The following NECTIN1 variants were observed in gnomAD, a reference collection of about 807,000 sequenced individuals.
The protein encoded by NECTIN1 is nectin-1.
Under a neutral mutation model 48.0 loss-of-function variants are expected in NECTIN1, and 23 were observed. The observed-to-expected ratio is 0.48, with a 90% confidence interval of 0.34 to 0.68. NECTIN1 has a LOEUF of 0.68. Among genes scored for constraint, NECTIN1 ranks in the 30% least tolerant of loss-of-function variants. The pLI is 0.01. For missense variants in NECTIN1, 591 were observed against 709.9 expected (o/e 0.83, Z 1.90); for synonymous variants, 270 against 288.9 (o/e 0.93, Z 0.66).
intron 5 of NECTIN1, among the ~76,000 whole-genome samples, chr11:119,648,808 G>T (rs943995916): frequency 1.3e-5 from 2 of 151,998 alleles, no homozygotes; most frequent in African/African-American, 4.8e-5. Flanking sequence ...CACCCAGGAG[G>T]CTTCCATTTT....
In NECTIN1 at chr11:119,691,143, C is replaced by T. The variant is rs376905663; in HGVS notation, c.80-12378G>A. On this transcript the variant is annotated intron_variant, in intron 1 of 5. Coordinates refer to ENST00000264025, the MANE Select transcript of NECTIN1 (RefSeq NM_002855.5). ...TCACAGAAACCCCAAGAGTAGCCCC[C>T]GCCCAGGTCTCAACATCAGTGCCAA... 1.6e-4 allele frequency among the ~76,000 whole-genome samples: 25 copies of T among 152,330 alleles called. No homozygotes were observed. The South Asian group carries it at 2.7e-3, about 16-fold the overall frequency.
downstream of NECTIN1, chr11:119,659,069 C>T (rs908244614): frequency 1.3e-5 from 2 of 152,208 alleles, no homozygotes; most frequent in East Asian, 1.9e-4. Context: ...GGTGAAATGT[C>T]GCTTCAGATC....
intron 1 of NECTIN1, among the ~76,000 whole-genome samples, chr11:119,728,241 A>T (rs1865947851): frequency 6.6e-6 from 1 of 152,250 alleles, no homozygotes; most frequent in African/African-American, 2.4e-5. Flanking sequence ...CTGAGCGGAG[A>T]AAGTGCTTTC....
intron 1 of NECTIN1, among the ~76,000 whole-genome samples, chr11:119,698,337 G>A (rs922896519): frequency 6.6e-6 from 1 of 152,242 alleles, no homozygotes; most frequent in East Asian, 1.9e-4. Flanking sequence ...CCACCCAGGT[G>A]ATTAAATTGT....
Position 119,673,340 on chromosome 11 carries a change from G to A in NECTIN1, c.1003+1819C>T, listed in dbSNP as rs542602380. On this transcript the variant is annotated intron_variant, in intron 5 of 5. Transcript: ENST00000264025. The surrounding 1 kb of genome is among the most constrained non-coding windows in gnomAD (Gnocchi z 5.8). Reference sequence around the variant, plus strand: ...ATCAATGATTCAGTGAGTGCCATGCGTCCCTGGCTCCTGCCTAACGGGGCT... The same window carrying A: ...ATCAATGATTCAGTGAGTGCCATGCATCCCTGGCTCCTGCCTAACGGGGCT... Among the ~76,000 whole-genome samples, 2 of 152,268 alleles carry A rather than the reference G, an allele frequency of 1.3e-5. No individual in the cohort carries two copies. The highest frequency in any genetic ancestry group is 2.1e-4 in the South Asian group (1 of 4,828).
intron 1 of NECTIN1, among the ~76,000 whole-genome samples, chr11:119,687,778 A>G (rs754485094): frequency 1.3e-5 from 2 of 152,186 alleles, no homozygotes; most frequent in Non-Finnish European, 2.9e-5. Context: ...CCTGTTTGGA[A>G]GCAGAGGGTT....
chr11:119,723,562 C>A (rs1865865972), intron 1 of NECTIN1, among the ~76,000 whole-genome samples: 1 of 152,190 alleles, frequency 6.6e-6, no homozygotes, highest in African/African-American at 2.4e-5. Context: ...TAATCTATTG[C>A]CCTGAAGATT....
intron 7 of NECTIN1, chr11:119,638,338 C>T: frequency 6.8e-7 from 1 of 1,480,636 alleles, no homozygotes; most frequent in African/African-American, 1.4e-5. Flanking sequence ...TGGGACTCCT[C>T]AGTTCCCATG....
chr11:119,670,168 C>T (rs1040790725), intron 5 of NECTIN1, among the ~76,000 whole-genome samples: 2 of 152,134 alleles, frequency 1.3e-5, no homozygotes, highest in African/African-American at 4.8e-5. Flanking sequence ...CCATGTTGGC[C>T]AGGCTGATCT....
In NECTIN1 at chr11:119,661,331, G is replaced by A; in HGVS notation, c.*3416C>T. ...CCGAGTGGGACAGGGGCTCCTCCTG[G>A]CCTCACAAGCTGGGCAGTGTTGGCA... On this transcript the variant is annotated 3_prime_UTR_variant, in exon 6 of 6. Coordinates refer to ENST00000264025, the MANE Select transcript of NECTIN1 (RefSeq NM_002855.5). 1.0e-6 allele frequency: 1 copy of A among 986,218 alleles called. No individual in the cohort carries two copies. The highest frequency in any genetic ancestry group is 1.2e-6 in the Non-Finnish European group (1 of 830,234). The allele number at this position is 986,218 out of a possible 1,614,324, so 61.1% of individuals were successfully genotyped here. A position where few individuals can be genotyped will look rare whatever the true frequency, so the allele number is the denominator to read the frequency against.
In NECTIN1 at chr11:119,663,116, A is replaced by G; in HGVS notation, c.*1631T>C. On this transcript the variant is annotated 3_prime_UTR_variant, in exon 6 of 6. Transcript: ENST00000264025. ...GAGTGGTCTGCCTCCCTCCTCCCCA[A>G]CACTTGCCATCCTGCAGAGCCCCTG... The G allele has an allele frequency of 1.0e-6, 1 of 985,476 alleles. No homozygotes were observed. The highest frequency in any genetic ancestry group is 1.2e-6 in the Non-Finnish European group (1 of 829,972). 61.0% of individuals were successfully genotyped at this position (985,476 alleles called of 1,614,324 possible).
chr11:119,646,789 CCTT>C (rs1864401221), intron 5 of NECTIN1, among the ~76,000 whole-genome samples: 1 of 152,234 alleles, frequency 6.6e-6, no homozygotes, highest in Admixed American at 6.5e-5. Flanking sequence ...GAGCTGGCCA[CCTT>C]CTTAGCTGTC....
At chr11:119,714,438 C>A (rs1178524720) in intron 1 of NECTIN1, among the ~76,000 whole-genome samples, 1 of 152,118 alleles carries the variant, frequency 6.6e-6, no homozygotes, top group East Asian at 1.9e-4. Context: ...CTGTGATGTA[C>A]CTCCTTCCAC....
intron 7 of NECTIN1, chr11:119,638,277 G>C: frequency 6.2e-7 from 1 of 1,613,212 alleles, no homozygotes; most frequent in Non-Finnish European, 8.5e-7. Context: ...GTGCTGCACA[G>C]ACCTTTCCAT....
Position 119,677,752 on chromosome 11 carries a change from G to A in NECTIN1, c.536C>T (p.Pro179Leu). 1.9e-6 allele frequency: 3 copies of A among 1,614,138 alleles called. No individual in the cohort carries two copies. Among genetic ancestry groups the A allele is most frequent in the Non-Finnish European group, 2.5e-6 (3 of 1,180,006 alleles). ...VATCTSANGK[P>L]PSVVSWETRL... ...AGTTTCCCAGGATACCACACTGGGA[G>A]GCTTCCCATTGGCTGAGGTGCAGGT... The change falls in exon 3 of 6, where the codon CCT (proline) becomes CTT (leucine). Residue 179 changes from proline (P) to leucine (L), a missense_variant. Coordinates refer to ENST00000264025, the MANE Select transcript of NECTIN1 (RefSeq NM_002855.5). The surrounding 1 kb of genome is among the most constrained non-coding windows in gnomAD (Gnocchi z 5.4).
intron 1 of NECTIN1, among the ~76,000 whole-genome samples, chr11:119,719,889 G>A (rs1185897961): frequency 1.3e-5 from 2 of 152,168 alleles, no homozygotes; most frequent in Non-Finnish European, 2.9e-5. Flanking sequence ...GGGGGAGCGG[G>A]TCATGAAAGC....
intron 1 of NECTIN1, among the ~76,000 whole-genome samples, chr11:119,719,219 C>T (rs1051356081): frequency 6.6e-6 from 1 of 152,204 alleles, no homozygotes; most frequent in African/African-American, 2.4e-5. Flanking sequence ...GCATGGACAA[C>T]TACAACACCA....
intron 5 of NECTIN1, among the ~76,000 whole-genome samples, chr11:119,666,777 G>A (rs1297954293): frequency 6.6e-6 from 1 of 152,224 alleles, no homozygotes; most frequent in African/African-American, 2.4e-5. Flanking sequence ...GCTCCTCCCT[G>A]AGCCCACTCC....
chr11:119,714,747 G>C (rs949646568), intron 1 of NECTIN1, among the ~76,000 whole-genome samples: 2 of 147,744 alleles, frequency 1.4e-5, no homozygotes, highest in African/African-American at 2.7e-5. Context: ...AGGAAAACAG[G>C]GGTGGGAAGG....
Sources: gnomAD v4.1 joint callset for allele counts (sites outside exome capture counted in the v4.1 genomes callset) on GRCh38, gnomAD v4.1.1 for gene constraint, Gnocchi (gnomAD v3.1) non-coding constraint, MANE v1.5 for transcripts, NCBI Gene and HGNC (gene_info 2026-07-23, HGNC 2026-07-21) for gene names.